The following RHOQ variants were observed in gnomAD, a reference collection of about 807,000 sequenced individuals.
RHOQ encodes the protein ras homolog family member Q, also known as rho-related GTP-binding protein RhoQ.
RHOQ carries 7 observed loss-of-function variants against 25.8 expected under a neutral mutation model. The observed-to-expected ratio is 0.27, with a 90% CI of 0.15 to 0.51. The LOEUF is 0.51. Ranked by LOEUF, RHOQ falls within the 20% of genes least tolerant of loss-of-function variation. The probability of loss-of-function intolerance (pLI) is 0.97; values close to 1 mark genes in which losing one functional copy is unlikely to be tolerated. For missense variants in RHOQ, 165 were observed against 260.6 expected (o/e 0.63, Z 2.53); for synonymous variants, 97 against 98.6 (o/e 0.98, Z 0.10).
rs150745169 is a variant in RHOQ, at chr2:46,570,769, A to G, written c.202-5318A>G. ...TCAGGGATATTCTTACTTAGTTGTCATATGTTTTATGTCTCTCTTCACGTA... is the reference window on the plus strand; with the variant it reads ...TCAGGGATATTCTTACTTAGTTGTCGTATGTTTTATGTCTCTCTTCACGTA... On this transcript the variant is annotated intron_variant, in intron 2 of 4. Transcript: ENST00000238738. Among the ~76,000 whole-genome samples the G allele has an allele frequency of 1.2e-4, 18 of 152,330 alleles. No homozygotes were observed. In the East Asian group the frequency reaches 3.3e-3, roughly 28 times the overall value.
At chr2:46,579,599 C>T (rs1669269012) in intron 4 of RHOQ, among the ~76,000 whole-genome samples, 1 of 152,140 alleles carries the variant, frequency 6.6e-6, no homozygotes, top group Non-Finnish European at 1.5e-5. Context: ...ACCTGTAATC[C>T]CAGCACTTTG....
intron 2 of RHOQ, among the ~76,000 whole-genome samples, chr2:46,572,101 G>A (rs1166270381): frequency 1.7e-4 from 15 of 89,570 alleles, no homozygotes; most frequent in Admixed American, 3.8e-4. Context: ...CAGGTGGTAA[G>A]TGTGTGTTTT....
Position 46,581,753 on chromosome 2 carries a change from G to A in RHOQ, c.*670G>A, listed in dbSNP as rs1289687509. The A allele has an allele frequency of 1.7e-5, 18 of 1,031,870 alleles. No individual in the cohort carries two copies. Among genetic ancestry groups the A allele is most frequent in the African/African-American group, 3.3e-5 (2 of 61,070 alleles). 63.9% of individuals were successfully genotyped at this position (1,031,870 alleles called of 1,614,324 possible). On this transcript the variant is annotated 3_prime_UTR_variant, in exon 5 of 5. Coordinates refer to ENST00000238738, the MANE Select transcript of RHOQ (RefSeq NM_012249.4). Reference sequence around the variant, plus strand: ...TGCATTTATCATGAACACTAAAAATGTACACATTTTAGTTAATGTGCATTA... The same window carrying A: ...TGCATTTATCATGAACACTAAAAATATACACATTTTAGTTAATGTGCATTA...
At position 46,584,119 on chromosome 2, in the gene RHOQ, C is replaced by T. The variant is rs1239461715; in HGVS notation, c.*3036C>T. Among the ~76,000 whole-genome samples, 1 of 152,008 alleles carries T rather than the reference C, an allele frequency of 6.6e-6. No homozygotes were observed. The highest frequency in any genetic ancestry group is 1.5e-5 in the Non-Finnish European group (1 of 67,974). ...TTTGATTTTTAACTATTTAAAATAC[C>T]AAATTAAATACCAGTTTGTTGGTTG... On this transcript the variant is annotated 3_prime_UTR_variant, in exon 5 of 5. Transcript: ENST00000238738.
At chr2:46,563,263 C>T (rs112673660) in intron 2 of RHOQ, among the ~76,000 whole-genome samples, 4 of 152,250 alleles carry the variant, frequency 2.6e-5, no homozygotes, top group African/African-American at 4.8e-5. Flanking sequence ...CCCACCTCTC[C>T]GTGTGACTCT....
At chr2:46,562,985 A>G (rs1247235954) in intron 2 of RHOQ, among the ~76,000 whole-genome samples, 2 of 152,222 alleles carry the variant, frequency 1.3e-5, no homozygotes, top group Admixed American at 1.3e-4. Context: ...CAGCCAGCAC[A>G]TGTGTTAAGT....
rs1032304170 is a variant in RHOQ at position 46,548,299 on chromosome 2, C to T, written c.201+4487C>T. Among the ~76,000 whole-genome samples the T allele has an allele frequency of 6.6e-6, 1 of 152,200 alleles. No homozygotes were observed. The highest frequency in any genetic ancestry group is 2.4e-5 in the African/African-American group (1 of 41,438). ...CCTCTGGGTGCCCACAAGGCACTTC[C>T]CCTACAGAAGGGAATCTCCACCGGA... On this transcript the variant is annotated intron_variant, in intron 2 of 4. Transcript: ENST00000238738. This position sits in a 1 kb window ranked among gnomAD's most constrained non-coding sequence, Gnocchi z 5.2.
At position 46,581,143 on chromosome 2, in the gene RHOQ, A is replaced by T. The variant is rs780730059; in HGVS notation, c.*60A>T. ...TCTCTCAGAAAGCAAATGAAATGCT[A>T]CAGCTATACCCAGACCTTTTATAGG... On this transcript the variant is annotated 3_prime_UTR_variant, in exon 5 of 5. Coordinates refer to ENST00000238738, the MANE Select transcript of RHOQ (RefSeq NM_012249.4). The T allele has an allele frequency of 3.9e-5, 52 of 1,348,936 alleles. No homozygotes were observed. Among genetic ancestry groups the T allele is most frequent in the Non-Finnish European group, 4.9e-5 (49 of 993,174 alleles). 83.6% of individuals were successfully genotyped at this position (1,348,936 alleles called of 1,614,324 possible). A position where few individuals can be genotyped will look rare whatever the true frequency, so the allele number is the denominator to read the frequency against.
intron 2 of RHOQ, among the ~76,000 whole-genome samples, chr2:46,573,008 C>T (rs575346596): frequency 1.6e-4 from 24 of 151,600 alleles, no homozygotes; most frequent in African/African-American, 5.8e-4. Flanking sequence ...TATTATTAGA[C>T]TTCTAATTAC....
intron 2 of RHOQ, among the ~76,000 whole-genome samples, chr2:46,561,217 T>C (rs1668568294): frequency 6.7e-6 from 1 of 149,482 alleles, no homozygotes. Flanking sequence ...ATATATACCT[T>C]TGATACAGGT....
Position 46,542,954 on chromosome 2 carries a change from A to ACGG in RHOQ, c.-86_-84dup, listed in dbSNP as rs1667873863. ...GGCCCTGCGGCGCGGAGCGGCGGCG[A>ACGG]CGGCGGCGGACCCCCCAGGCGGGCT... On this transcript the variant is annotated 5_prime_UTR_variant, in exon 1 of 5. Transcript: ENST00000238738. 1.3e-6 allele frequency: 1 copy of ACGG among 794,986 alleles called. No individual in the cohort carries two copies. The highest frequency in any genetic ancestry group is 1.6e-6 in the Non-Finnish European group (1 of 630,980). 49.2% of individuals were successfully genotyped at this position (794,986 alleles called of 1,614,324 possible).
rs1668854111 is a variant in RHOQ, at chr2:46,569,789, T to C, written c.202-6298T>C. Among the ~76,000 whole-genome samples, 1 of 152,196 alleles carries C rather than the reference T, an allele frequency of 6.6e-6. No individual in the cohort carries two copies. The highest frequency in any genetic ancestry group is 2.4e-5 in the African/African-American group (1 of 41,460). Reference sequence around the variant, plus strand: ...AAGCGCTAATCAGGCCAGTGACATATAAATACCATTTCACAACTGAACTGA... The same window carrying C: ...AAGCGCTAATCAGGCCAGTGACATACAAATACCATTTCACAACTGAACTGA... On this transcript the variant is annotated intron_variant, in intron 2 of 4. Coordinates refer to ENST00000238738, the MANE Select transcript of RHOQ (RefSeq NM_012249.4). The surrounding 1 kb of genome is among the most constrained non-coding windows in gnomAD (Gnocchi z 4.1).
chr2:46,576,498 A>G lies in RHOQ; in HGVS notation c.367-63A>G. 9.2e-7 allele frequency: 1 copy of G among 1,081,244 alleles called. No individual in the cohort carries two copies. Among genetic ancestry groups the G allele is most frequent in the East Asian group, 2.4e-5 (1 of 41,334 alleles). The allele number at this position is 1,081,244 out of a possible 1,614,324, so 67.0% of individuals were successfully genotyped here. A position where few individuals can be genotyped will look rare whatever the true frequency, so the allele number is the denominator to read the frequency against. On this transcript the variant is annotated intron_variant, in intron 3 of 4. Transcript: ENST00000238738. This position sits in a 1 kb window ranked among gnomAD's most constrained non-coding sequence, Gnocchi z 5.1. Reference sequence around the variant, plus strand: ...GTATGTGGGAATTAAGTGGGATTACATGCTTTGATTTTTCTTTAAAGATTT... The same window carrying G: ...GTATGTGGGAATTAAGTGGGATTACGTGCTTTGATTTTTCTTTAAAGATTT...
intron 2 of RHOQ, among the ~76,000 whole-genome samples, chr2:46,557,475 A>G (rs1407870944): frequency 6.6e-6 from 1 of 152,222 alleles, no homozygotes; most frequent in Non-Finnish European, 1.5e-5. Flanking sequence ...TATGTATAGT[A>G]TGATTAAAAC....
chr2:46,573,684 G>T (rs932824972), intron 2 of RHOQ, among the ~76,000 whole-genome samples: 1 of 152,112 alleles, frequency 6.6e-6, no homozygotes, highest in Non-Finnish European at 1.5e-5. Flanking sequence ...GCATCTCTAG[G>T]GAACATGGCA....
rs138693997 is a variant in RHOQ at position 46,580,917 on chromosome 2, C to A, written c.463-11C>A. ...ATCTTATATATTTGTGATTTTTTTT[C>A]TCCCTCCCAGATAGGAGCATGCTGC... On this transcript the variant is annotated splice_polypyrimidine_tract_variant and intron_variant, in intron 4 of 4. Transcript: ENST00000238738. 8.1e-4 allele frequency: 1,181 copies of A among 1,465,272 alleles called. 11 individuals carry two copies. The African/African-American group carries it at 0.015, about 19-fold the overall frequency. 90.8% of individuals were successfully genotyped at this position (1,465,272 alleles called of 1,614,324 possible).
intron 2 of RHOQ, among the ~76,000 whole-genome samples, chr2:46,559,898 G>T (rs1057090412): frequency 6.6e-6 from 1 of 152,156 alleles, no homozygotes; most frequent in Admixed American, 6.5e-5. Flanking sequence ...GTTGGAGGGG[G>T]GTCTCAATTT....
In RHOQ at chr2:46,581,104, GGA is replaced by G. The variant is rs149388763; in HGVS notation, c.*22_*23del. 0.26 allele frequency: 378,172 copies of G among 1,477,078 alleles called. 50,876 individuals carry two copies. The highest frequency in any genetic ancestry group is 0.32 in the Admixed American group (14,083 of 43,374). The allele number at this position is 1,477,078 out of a possible 1,614,324, so 91.5% of individuals were successfully genotyped here. ...CGTGAGAAACATCTTCAGTGGCCAA[GGA>G]AACTGTCCATTTCTCTCAGAAAGCA... On this transcript the variant is annotated 3_prime_UTR_variant, in exon 5 of 5. Coordinates refer to ENST00000238738, the MANE Select transcript of RHOQ (RefSeq NM_012249.4).
intron 2 of RHOQ, among the ~76,000 whole-genome samples, chr2:46,573,756 CT>C (rs1366753752): frequency 6.6e-6 from 1 of 152,180 alleles, no homozygotes; most frequent in Non-Finnish European, 1.5e-5. Context: ...TTCTGTTTCC[CT>C]GAGGAGGTAA....
Sources: gnomAD v4.1 joint callset for allele counts (sites outside exome capture counted in the v4.1 genomes callset) on GRCh38, gnomAD v4.1.1 for gene constraint, Gnocchi (gnomAD v3.1) non-coding constraint, MANE v1.5 for transcripts, NCBI Gene and HGNC (gene_info 2026-07-23, HGNC 2026-07-21) for gene names.